The following ERCC1 variants were observed in gnomAD, a reference collection of about 807,000 sequenced individuals.
ERCC1 encodes ERCC excision repair 1, endonuclease non-catalytic subunit.
A neutral mutation model predicts 37.6 loss-of-function variants in ERCC1; 36 were observed. The observed-to-expected ratio is 0.96, with a 90% CI of 0.73 to 1.26. ERCC1 has a LOEUF of 1.26. ERCC1 is among the 50% of genes most tolerant of loss of function. The pLI is 0.00. For missense variants in ERCC1, 349 were observed against 376.5 expected, an observed-to-expected ratio of 0.93 and a Z score of 0.60; for synonymous variants, 156 against 162.1, an observed-to-expected ratio of 0.96 and a Z score of 0.28.
rs755925154 is a variant in ERCC1 at position 45,408,899 on chromosome 19, C to T, written c.*776G>A. 5.0e-6 allele frequency: 8 copies of T among 1,613,924 alleles called. No homozygotes were observed. The Admixed American group carries it at 1.3e-4, about 27-fold the overall frequency. On this transcript the variant is annotated 3_prime_UTR_variant, in exon 10 of 10. Coordinates refer to ENST00000300853, the MANE Select transcript of ERCC1 (RefSeq NM_001983.4). ...GGAGGGGGTGACAGTTGAGTCTCAGCCACAGGTGAAGGTGGAGCCACTGGA... is the reference window on the plus strand; with the variant it reads ...GGAGGGGGTGACAGTTGAGTCTCAGTCACAGGTGAAGGTGGAGCCACTGGA...
chr19:45,438,177 T>C (rs1213114149), intron 1 of ERCC1, among the ~76,000 whole-genome samples: 1 of 152,250 alleles, frequency 6.6e-6, no homozygotes, highest in Non-Finnish European at 1.5e-5. Flanking sequence ...CCCAAAGTGC[T>C]GGGATTACAG....
intron 6 of ERCC1, chr19:45,415,953 T>C (rs1974046015): frequency 2.8e-6 from 1 of 354,606 alleles, no homozygotes; most frequent in Non-Finnish European, 5.6e-6. Context: ...CGGGACAACA[T>C]AGCAAGGTGT....
chr19:45,446,572 C>G (rs114660459), intron 1 of ERCC1, among the ~76,000 whole-genome samples: 4 of 152,104 alleles, frequency 2.6e-5, no homozygotes, highest in African/African-American at 9.7e-5. Context: ...TCTATTGGGA[C>G]GGCTATTCCC....
intron 1 of ERCC1, chr19:45,449,299 C>T (rs1041544270): frequency 3.3e-5 from 5 of 152,182 alleles, no homozygotes; most frequent in Non-Finnish European, 7.3e-5. Flanking sequence ...ACAACGACTG[C>T]TGTGTATTGA....
At chr19:45,415,996 G>C (rs766131331) in intron 6 of ERCC1, among the ~76,000 whole-genome samples, 4 of 152,048 alleles carry the variant, frequency 2.6e-5, no homozygotes, top group Non-Finnish European at 5.9e-5. Context: ...TTAGCCAGGT[G>C]TGGTGGCGCG....
At chr19:45,436,733 C>G (rs933766616) in intron 1 of ERCC1, 2 of 152,216 alleles carry the variant, frequency 1.3e-5, no homozygotes, top group Non-Finnish European at 2.9e-5. Context: ...TGCAATCTGC[C>G]CGCCTTGGCC....
At chr19:45,422,833 T>C (rs1013916265) in intron 2 of ERCC1, among the ~76,000 whole-genome samples, 35 of 151,378 alleles carry the variant, frequency 2.3e-4, no homozygotes, top group African/African-American at 8.2e-4. Context: ...CTTAGCCCAC[T>C]TTCCTTTTCT....
intron 7 of ERCC1, 29 bp from the exon 8 acceptor site, chr19:45,414,063 GGAA>G: frequency 1.3e-6 from 2 of 1,595,254 alleles, no homozygotes; most frequent in Non-Finnish European, 1.7e-6. Flanking sequence ...GGAGTGTGTC[GGAA>G]GAAGAAAGGC....
At chr19:45,438,281 T>G (rs1361607903) in intron 1 of ERCC1, among the ~76,000 whole-genome samples, 1 of 152,152 alleles carries the variant, frequency 6.6e-6, no homozygotes, top group African/African-American at 2.4e-5. Flanking sequence ...TTGCCCAGAT[T>G]AGTCTCCAAC....
chr19:45,433,368 A>G (rs533590068), intron 1 of ERCC1, among the ~76,000 whole-genome samples: 3 of 152,186 alleles, frequency 2.0e-5, no homozygotes, highest in African/African-American at 7.2e-5. Flanking sequence ...TCTACTAAAA[A>G]TACAAAAATT....
chr19:45,427,843 C>T (rs1238835341), upstream of ERCC1, among the ~76,000 whole-genome samples: 2 of 152,132 alleles, frequency 1.3e-5, no homozygotes, highest in African/African-American at 4.8e-5. Flanking sequence ...CCGCCAGAAC[C>T]CAGCGGGGGC....
intron 1 of ERCC1, among the ~76,000 whole-genome samples, chr19:45,439,516 T>C (rs545291482): frequency 3.3e-5 from 5 of 152,234 alleles, no homozygotes; most frequent in Admixed American, 2.6e-4. Context: ...TGGGGCAATA[T>C]AGCGAGATTC....
chr19:45,435,331 A>G (rs1974948111), intron 1 of ERCC1, among the ~76,000 whole-genome samples: 1 of 152,182 alleles, frequency 6.6e-6, no homozygotes, highest in African/African-American at 2.4e-5. Flanking sequence ...TGCCCATTTT[A>G]CAGAGGGAGA....
upstream of ERCC1, among the ~76,000 whole-genome samples, chr19:45,428,083 C>CTTTCTTT: frequency 8.6e-6 from 1 of 115,982 alleles, no homozygotes; most frequent in Non-Finnish European, 1.7e-5. Context: ...TTCTTTCTTT[C>CTTTCTTT]TTTTTTTTTT....
At chr19:45,428,758 G>A (rs1974764146), upstream of ERCC1, among the ~76,000 whole-genome samples, 3 of 151,976 alleles carry the variant, frequency 2.0e-5, no homozygotes, top group Admixed American at 1.3e-4. Context: ...CCGCCGGGGG[G>A]CGCAGTGACC....
chr19:45,449,675 A>G (rs1038333659), intron 1 of ERCC1, among the ~76,000 whole-genome samples: 4 of 151,264 alleles, frequency 2.6e-5, no homozygotes, highest in African/African-American at 9.7e-5. Flanking sequence ...AAAAAAAACC[A>G]ACAAAATGGC....
In ERCC1 at chr19:45,409,155, C is replaced by T. The variant is rs139349157; in HGVS notation, c.*520G>A. 2 of 1,613,348 alleles carry T rather than the reference C, an allele frequency of 1.2e-6. No homozygotes were observed. The highest frequency in any genetic ancestry group is 2.7e-5 in the African/African-American group (2 of 74,960). ...AAGAAAGAAAAACAGCAAGATGCCA[C>T]AGTGGAGCCAGAGACAGAGGTGGTG... On this transcript the variant is annotated 3_prime_UTR_variant, in exon 10 of 10. Coordinates refer to ENST00000300853, the MANE Select transcript of ERCC1 (RefSeq NM_001983.4).
intron 1 of ERCC1, among the ~76,000 whole-genome samples, chr19:45,443,760 T>C (rs1234143050): frequency 2.6e-5 from 4 of 151,872 alleles, no homozygotes; most frequent in Non-Finnish European, 5.9e-5. Context: ...CCCCCTCTTC[T>C]GATTCACCCT....
Position 45,408,623 on chromosome 19 carries a change from C to T in ERCC1, c.*1052G>A, listed in dbSNP as rs201059236. ...GCGGAAGAAGAAGAAGAAAAAAAAT[C>T]AGCAGCTGAAAGAACCAGAGGCAGC... On this transcript the variant is annotated 3_prime_UTR_variant, in exon 10 of 10. Transcript: ENST00000300853. 3.1e-6 allele frequency: 5 copies of T among 1,613,676 alleles called. No individual in the cohort carries two copies. Among genetic ancestry groups the T allele is most frequent in the Non-Finnish European group, 4.2e-6 (5 of 1,180,002 alleles).
Sources: gnomAD v4.1 joint callset for allele counts (sites outside exome capture counted in the v4.1 genomes callset) on GRCh38, gnomAD v4.1.1 for gene constraint, MANE v1.5 for transcripts, NCBI Gene and HGNC (gene_info 2026-07-23, HGNC 2026-07-21) for gene names.